Variants in MAST4 observed in about 807,000 individuals in gnomAD.
The protein encoded by MAST4 is microtubule associated serine/threonine kinase family member 4.
In MAST4, 89 loss-of-function variants were observed where a neutral mutation model predicts 162.7. The ratio of observed to expected loss-of-function variants is 0.55; its 90% CI spans 0.46 to 0.65. The LOEUF (loss-of-function observed/expected upper bound fraction) is 0.65. MAST4 is among the 30% of genes least tolerant of loss of function. The pLI is 0.00. For synonymous variants in MAST4, 1,479 were observed against 1,361.1 expected (o/e 1.09, Z -1.91); for missense variants, 3,153 against 3,374.0 (o/e 0.93, Z 1.62).
chr5:66,760,957 T>C (rs939062061), intron 2 of MAST4, among the ~76,000 whole-genome samples: 5 of 152,218 alleles, frequency 3.3e-5, no homozygotes, highest in Non-Finnish European at 5.9e-5. Flanking sequence ...AATTATTCTT[T>C]GTTAATAAAA....
intron 1 of MAST4, among the ~76,000 whole-genome samples, chr5:66,603,964 C>T (rs1174703598): frequency 2.0e-5 from 3 of 152,322 alleles, no homozygotes; most frequent in Non-Finnish European, 4.4e-5. Context: ...AAGTTGGTTT[C>T]GCCAACAGCT....
In MAST4 at chr5:66,756,989, TATATGTGCG is replaced by T. The variant is rs1753579875; in HGVS notation, c.364-2712_364-2704del. 3.9e-5 allele frequency among the ~76,000 whole-genome samples: 6 copies of T among 152,360 alleles called. No homozygotes were observed. In the South Asian group the frequency reaches 1.2e-3, roughly 32 times the overall value. ...CTTGTGGACTAACAGCTCATGTCTA[TATATGTGCG>T]ATATGTGATGAATTAGGTTTTTTTT... On this transcript the variant is annotated intron_variant, in intron 1 of 28. Transcript: ENST00000403625.
At chr5:66,766,017 C>A (rs558534107) in intron 2 of MAST4, among the ~76,000 whole-genome samples, 1 of 152,220 alleles carries the variant, frequency 6.6e-6, no homozygotes, top group East Asian at 1.9e-4. Flanking sequence ...AGCTTTGGAG[C>A]CCCCTGATGA....
intron 3 of MAST4, among the ~76,000 whole-genome samples, chr5:66,823,332 G>A (rs1391591901): frequency 6.6e-6 from 1 of 152,188 alleles, no homozygotes; most frequent in Non-Finnish European, 1.5e-5. Context: ...GAATCTAAGG[G>A]AGTTATTTAA....
chr5:67,098,085 A>G (rs966261829), intron 7 of MAST4, among the ~76,000 whole-genome samples: 1 of 152,196 alleles, frequency 6.6e-6, no homozygotes, highest in African/African-American at 2.4e-5. Flanking sequence ...ACTGTTTAAA[A>G]AATCAAAATG....
At chr5:67,131,988 C>G (rs370235108) in intron 16 of MAST4, 37 bp downstream of exon 16, 4 of 1,591,078 alleles carry the variant, frequency 2.5e-6, no homozygotes, top group Non-Finnish European at 3.4e-6. Flanking sequence ...TTCTTTTGCC[C>G]AATACAAAGT....
chr5:66,960,610 C>T (rs921265360), intron 4 of MAST4, among the ~76,000 whole-genome samples: 10 of 152,286 alleles, frequency 6.6e-5, no homozygotes, highest in African/African-American at 2.4e-4. Context: ...GTTTAAAACC[C>T]AGGGGCATTA....
chr5:66,646,296 A>G (rs1353922561), intron 1 of MAST4, among the ~76,000 whole-genome samples: 1 of 152,192 alleles, frequency 6.6e-6, no homozygotes, highest in African/African-American at 2.4e-5. Flanking sequence ...AGAGCCCAAC[A>G]TTTATAAGGG....
intron 3 of MAST4, among the ~76,000 whole-genome samples, chr5:66,816,979 G>A (rs1756758726): frequency 2.0e-5 from 3 of 152,082 alleles, no homozygotes; most frequent in South Asian, 4.2e-4. Context: ...TGTTCACCTC[G>A]TCTCTCAAAC....
chr5:66,960,531 C>CA (rs1031714668), intron 4 of MAST4, among the ~76,000 whole-genome samples: 3 of 152,014 alleles, frequency 2.0e-5, no homozygotes, highest in African/African-American at 7.2e-5. Flanking sequence ...ATTTTAGTGG[C>CA]ATGCACTCAT....
At chr5:66,725,012 T>A (rs1375516574) in intron 1 of MAST4, among the ~76,000 whole-genome samples, 1 of 152,054 alleles carries the variant, frequency 6.6e-6, no homozygotes, top group Admixed American at 6.6e-5. Flanking sequence ...TCCTTATTTT[T>A]CAGCTAATTC....
chr5:67,109,127 T>C (rs1765925243), intron 10 of MAST4, among the ~76,000 whole-genome samples: 1 of 152,126 alleles, frequency 6.6e-6, no homozygotes, highest in African/African-American at 2.4e-5. Context: ...TTGTTGTGCT[T>C]GGGCAATATA....
intron 3 of MAST4, among the ~76,000 whole-genome samples, chr5:66,799,829 T>C (rs1048238945): frequency 6.6e-5 from 10 of 152,170 alleles, no homozygotes; most frequent in African/African-American, 2.2e-4. Context: ...GTCTTGACCT[T>C]ACCACTTACT....
chr5:66,927,060 G>A (rs6862582), intron 4 of MAST4, among the ~76,000 whole-genome samples: 2,861 of 152,250 alleles, frequency 0.019, 76 homozygotes, highest in South Asian at 0.082. Flanking sequence ...TCTGGAGAAT[G>A]GATATGCATG....
intron 4 of MAST4, among the ~76,000 whole-genome samples, chr5:66,982,837 G>T (rs944624694): frequency 6.6e-6 from 1 of 152,212 alleles, no homozygotes; most frequent in African/African-American, 2.4e-5. Context: ...GAGGTTGCCA[G>T]CCTGCAACCA....
intron 1 of MAST4, among the ~76,000 whole-genome samples, chr5:66,634,747 A>C (rs1031462484): frequency 2.6e-5 from 4 of 152,218 alleles, no homozygotes; most frequent in Non-Finnish European, 5.9e-5. Flanking sequence ...AGCTACCTGA[A>C]CCTTGGGGCT....
Position 66,919,660 on chromosome 5 carries a change from G to GAAAA in MAST4, c.674+19694_674+19697dup, listed in dbSNP as rs56802433. ...GGCAACAGAGCAAGACTCCGTCACA[G>GAAAA]AAAAAAAAAAAAAAAAAAAGAGAAA... On this transcript the variant is annotated intron_variant, in intron 4 of 28. Coordinates refer to ENST00000403625, the MANE Select transcript of MAST4 (RefSeq NM_001164664.2). 7.5e-4 allele frequency among the ~76,000 whole-genome samples: 73 copies of GAAAA among 96,876 alleles called. No individual in the cohort carries two copies. The South Asian group carries it at 0.02, about 27-fold the overall frequency. The allele number at this position is 96,876 out of a possible 152,430, so 63.6% of individuals were successfully genotyped here. A position where few individuals can be genotyped will look rare whatever the true frequency, so the allele number is the denominator to read the frequency against.
At chr5:66,920,360 A>G (rs1016434565) in intron 4 of MAST4, among the ~76,000 whole-genome samples, 2 of 152,218 alleles carry the variant, frequency 1.3e-5, no homozygotes, top group Non-Finnish European at 2.9e-5. Context: ...AATTATGTGT[A>G]TCTGTGTAAA....
chr5:66,989,856 A>G (rs1173123159), intron 4 of MAST4, among the ~76,000 whole-genome samples: 1 of 152,216 alleles, frequency 6.6e-6, no homozygotes, highest in South Asian at 2.1e-4. Context: ...TTTAAATTTT[A>G]AAATTTGTAA....
Sources: gnomAD v4.1 joint callset for allele counts (sites outside exome capture counted in the v4.1 genomes callset) on GRCh38, gnomAD v4.1.1 for gene constraint, MANE v1.5 for transcripts, NCBI Gene and HGNC (gene_info 2026-07-23, HGNC 2026-07-21) for gene names.